ELAVL1: variants seen among roughly 807,000 people sequenced by gnomAD.
The protein encoded by ELAVL1 is ELAV like RNA binding protein 1.
In ELAVL1, 1 loss-of-function variant was observed where a neutral mutation model predicts 28.4. The ratio of observed to expected loss-of-function variants is 0.04; its 90% CI spans 0.01 to 0.17. ELAVL1 has a LOEUF of 0.17. Among genes scored for constraint, ELAVL1 ranks in the 10% least tolerant of loss-of-function variants. ELAVL1 has a pLI of 1.00. For synonymous variants in ELAVL1, 174 were observed against 183.5 expected (o/e 0.95, Z 0.42); for missense variants, 157 against 447.2 (o/e 0.35, Z 5.85).
intron 1 of ELAVL1, among the ~76,000 whole-genome samples, chr19:8,003,355 CAAAAAAAAAAAA>C (rs71165248): frequency 2.9e-4 from 18 of 61,092 alleles, no homozygotes; most frequent in African/African-American, 1.3e-3. Context: ...GAAACTGTCT[CAAAAAAAAAAAA>C]AAAAAAAGAA....
At chr19:7,988,356 A>T (rs919580186) in intron 2 of ELAVL1, among the ~76,000 whole-genome samples, 1 of 151,998 alleles carries the variant, frequency 6.6e-6, no homozygotes, top group African/African-American at 2.4e-5. Flanking sequence ...CCATGAGGTG[A>T]CTCTGCCCAC....
intron 2 of ELAVL1, among the ~76,000 whole-genome samples, chr19:7,983,462 C>A (rs533153375): frequency 1.5e-4 from 23 of 152,194 alleles, no homozygotes; most frequent in Non-Finnish European, 3.4e-4. Flanking sequence ...ACGGGAGGGA[C>A]TCGGGATGGC....
chr19:8,004,711 T>A (rs1467065446), intron 1 of ELAVL1, among the ~76,000 whole-genome samples: 2 of 152,150 alleles, frequency 1.3e-5, no homozygotes, highest in African/African-American at 2.4e-5. Flanking sequence ...GCAAGGGGGC[T>A]CAGTCCCACC....
At chr19:7,968,905 G>A (rs1045014145) in intron 4 of ELAVL1, among the ~76,000 whole-genome samples, 5 of 152,188 alleles carry the variant, frequency 3.3e-5, no homozygotes, top group African/African-American at 1.2e-4. Flanking sequence ...CAGCGCACTA[G>A]CTCCTTCTCT....
chr19:7,976,967 C>A (rs1308881451), intron 3 of ELAVL1, among the ~76,000 whole-genome samples: 1 of 151,940 alleles, frequency 6.6e-6, no homozygotes, highest in African/African-American at 2.4e-5. Flanking sequence ...GGATTACAGG[C>A]ATGCACCACC....
chr19:7,969,214 A>C (rs1985036957), intron 4 of ELAVL1, among the ~76,000 whole-genome samples: 1 of 152,220 alleles, frequency 6.6e-6, no homozygotes, highest in East Asian at 1.9e-4. Context: ...AGGAAAAAGA[A>C]AGACTTCCAG....
In ELAVL1 at chr19:7,959,450, A is replaced by G. The variant is rs778231627; in HGVS notation, c.*4033T>C. On this transcript the variant is annotated 3_prime_UTR_variant, in exon 6 of 6. Transcript: ENST00000407627. ...ATGGTCAAAGAGGTGGCCCCAAACC[A>G]ACGGAAAAGGCTTCTCTTCTGGTGG... 1 of 152,508 alleles carries G rather than the reference A, an allele frequency of 6.6e-6. No homozygotes were observed. The highest frequency in any genetic ancestry group is 1.5e-5 in the Non-Finnish European group (1 of 68,036). 9.4% of individuals were successfully genotyped at this position (152,508 alleles called of 1,614,324 possible).
intron 1 of ELAVL1, among the ~76,000 whole-genome samples, chr19:8,000,370 G>A (rs904553634): frequency 6.6e-6 from 1 of 152,208 alleles, no homozygotes; most frequent in Non-Finnish European, 1.5e-5. Context: ...AGAGATGTGT[G>A]TGTCTTTATG....
In ELAVL1 at chr19:7,963,444, CTTAA is replaced by C. The variant is rs1202341990; in HGVS notation, c.*35_*38del. 2 of 1,565,286 alleles carry C rather than the reference CTTAA, an allele frequency of 1.3e-6. No homozygotes were observed. Among genetic ancestry groups the C allele is most frequent in the South Asian group, 1.2e-5 (1 of 83,802 alleles). On this transcript the variant is annotated 3_prime_UTR_variant, in exon 6 of 6. Coordinates refer to ENST00000407627, the MANE Select transcript of ELAVL1 (RefSeq NM_001419.3). This position sits in a 1 kb window ranked among gnomAD's most constrained non-coding sequence, Gnocchi z 4.5. ...CAAGAAAAGTTTCAACTCCTTCACT[CTTAA>C]TTATCTATTCCGTACAAAAAAAAGC... is the stretch of plus-strand genomic sequence containing the variant.
At chr19:8,002,803 G>T (rs958355015) in intron 1 of ELAVL1, among the ~76,000 whole-genome samples, 1 of 152,192 alleles carries the variant, frequency 6.6e-6, no homozygotes, top group Admixed American at 6.5e-5. Flanking sequence ...AGGCAGGGAG[G>T]GTTAGAGTTT....
At chr19:7,987,963 G>A (rs1317654729) in intron 2 of ELAVL1, among the ~76,000 whole-genome samples, 1 of 152,202 alleles carries the variant, frequency 6.6e-6, no homozygotes, top group African/African-American at 2.4e-5. Context: ...GTCACATGCG[G>A]GCTGTCAAAC....
At chr19:7,969,402 G>C (rs764561210) in intron 4 of ELAVL1, among the ~76,000 whole-genome samples, 1 of 152,124 alleles carries the variant, frequency 6.6e-6, no homozygotes, top group Non-Finnish European at 1.5e-5. Context: ...ACTTCCCAGA[G>C]GGTCCCGCCA....
chr19:7,999,902 G>A (rs1414985969), intron 1 of ELAVL1, among the ~76,000 whole-genome samples: 3 of 152,206 alleles, frequency 2.0e-5, no homozygotes, highest in South Asian at 2.1e-4. Context: ...TCAGCCTCCC[G>A]AGTAGCTGAG....
intron 1 of ELAVL1, among the ~76,000 whole-genome samples, chr19:7,994,042 G>A (rs1985820550): frequency 6.6e-6 from 1 of 152,106 alleles, no homozygotes; most frequent in South Asian, 2.1e-4. Flanking sequence ...TATGCTCCCT[G>A]CTCTTTAAAA....
Position 7,986,616 on chromosome 19 carries a change from C to T in ELAVL1, c.172+5028G>A, listed in dbSNP as rs543221162. Among the ~76,000 whole-genome samples the T allele has an allele frequency of 1.8e-3, 281 of 152,328 alleles. 1 individual carries two copies. The highest frequency in any genetic ancestry group is 6.5e-3 in the African/African-American group (269 of 41,564). On this transcript the variant is annotated intron_variant, in intron 2 of 5. Transcript: ENST00000407627. Reference sequence around the variant, plus strand: ...CAAGAGCCTTTAAAAGGTGCGCTCTCCCATCTGCCGCTTCACCGGCAGGAA... The same window carrying T: ...CAAGAGCCTTTAAAAGGTGCGCTCTTCCATCTGCCGCTTCACCGGCAGGAA...
At chr19:7,980,985 T>A in intron 3 of ELAVL1, 98 bp downstream of exon 3, 1 of 1,241,804 alleles carries the variant, frequency 8.1e-7, no homozygotes, top group Non-Finnish European at 1.2e-6. Flanking sequence ...GCGGCTGTGC[T>A]CATAGTCCCT....
chr19:7,997,007 A>G (rs2081052007), intron 1 of ELAVL1, among the ~76,000 whole-genome samples: 1 of 152,198 alleles, frequency 6.6e-6, no homozygotes, highest in South Asian at 2.1e-4. Flanking sequence ...AAAATAAAAC[A>G]AAAAACAACC....
chr19:7,986,835 A>G (rs1444522397), intron 2 of ELAVL1, among the ~76,000 whole-genome samples: 1 of 152,238 alleles, frequency 6.6e-6, no homozygotes, highest in East Asian at 1.9e-4. Flanking sequence ...AGAAGAGCCC[A>G]TTCTGTAGAA....
At chr19:7,999,800 G>A (rs1434550468) in intron 1 of ELAVL1, among the ~76,000 whole-genome samples, 1 of 151,744 alleles carries the variant, frequency 6.6e-6, no homozygotes, top group Admixed American at 6.6e-5. Flanking sequence ...TGCAGAGAGG[G>A]GGGTCTTGCT....
Sources: gnomAD v4.1 joint callset for allele counts (sites outside exome capture counted in the v4.1 genomes callset) on GRCh38, gnomAD v4.1.1 for gene constraint, Gnocchi (gnomAD v3.1) non-coding constraint, MANE v1.5 for transcripts, NCBI Gene and HGNC (gene_info 2026-07-23, HGNC 2026-07-21) for gene names.